The following ADGRD1 variants were observed in gnomAD, a reference collection of about 807,000 sequenced individuals.
ADGRD1 encodes adhesion G protein-coupled receptor D1.
Under a neutral mutation model 113.4 loss-of-function variants are expected in ADGRD1, and 77 were observed. The observed-to-expected ratio is 0.68, with a 90% CI of 0.57 to 0.82. The LOEUF is 0.82. Among genes scored for constraint, ADGRD1 ranks in the 40% least tolerant of loss-of-function variants. ADGRD1 has a pLI of 0.00. For synonymous variants in ADGRD1, 474 were observed against 475.0 expected (o/e 1.00, Z 0.03); for missense variants, 1,036 against 1,139.1 (o/e 0.91, Z 1.30).
intron 20 of ADGRD1, among the ~76,000 whole-genome samples, chr12:131,128,823 G>A (rs919870353): frequency 1.3e-5 from 2 of 152,172 alleles, no homozygotes; most frequent in African/African-American, 4.8e-5. Flanking sequence ...TCCATAGAGT[G>A]GGTGTGGGCA....
rs1883939376 is a variant in ADGRD1 at position 131,057,176 on chromosome 12, C to T, written c.1474-19625C>T. ...AGGAAATAATCACAGGCTACCCCCG[C>T]TGTGATAAACAGGTTTGAAGAACTG... On this transcript the variant is annotated intron_variant, in intron 13 of 24. Transcript: ENST00000261654. The surrounding 1 kb of genome is among the most constrained non-coding windows in gnomAD (Gnocchi z 4.2). Among the ~76,000 whole-genome samples, 1 of 152,194 alleles carries T rather than the reference C, an allele frequency of 6.6e-6. No individual in the cohort carries two copies. Among genetic ancestry groups the T allele is most frequent in the African/African-American group, 2.4e-5 (1 of 41,444 alleles).
At chr12:131,006,680 G>A (rs146393993) in intron 12 of ADGRD1, among the ~76,000 whole-genome samples, 6 of 151,910 alleles carry the variant, frequency 3.9e-5, no homozygotes, top group Middle Eastern at 3.2e-3. Context: ...TGAGGGGGGC[G>A]GCGAGGCTGG....
Position 131,075,479 on chromosome 12 carries a change from T to C in ADGRD1, c.1474-1322T>C, listed in dbSNP as rs1885528545. 6.6e-6 allele frequency among the ~76,000 whole-genome samples: 1 copy of C among 152,174 alleles called. No homozygotes were observed. The highest frequency in any genetic ancestry group is 6.5e-5 in the Admixed American group (1 of 15,282). On this transcript the variant is annotated intron_variant, in intron 13 of 24. Coordinates refer to ENST00000261654, the MANE Select transcript of ADGRD1 (RefSeq NM_198827.5). The surrounding 1 kb of genome is among the most constrained non-coding windows in gnomAD (Gnocchi z 5.3). ...TTTTCCAGGCGGTTTTAAGAGACCCTGTGATGGATTAAAATAACCCTAAGA... is the reference window on the plus strand; with the variant it reads ...TTTTCCAGGCGGTTTTAAGAGACCCCGTGATGGATTAAAATAACCCTAAGA...
rs765087614 is a variant in ADGRD1 at position 131,076,840 on chromosome 12, C to T, written c.1513C>T (p.Arg505Ter). The change falls in exon 14 of 25, where the codon CGA becomes TGA. Residue 505 changes from arginine (R) to a stop codon, truncating the protein, a stop_gained. Transcript: ENST00000261654. LOFTEE classifies it high-confidence loss of function. Reference protein sequence around the residue: ...QHSEATNSSNRVFVYCAFLDF... With the variant: ...QHSEATNSSN ...CAGTGAGGCCACCAACAGCAGCAAC[C>T]GAGTCTTCGTGTACTGCGCCTTCCT... The T allele has an allele frequency of 8.1e-6, 13 of 1,614,142 alleles. No homozygotes were observed. Among genetic ancestry groups the T allele is most frequent in the South Asian group, 1.1e-5 (1 of 91,086 alleles).
chr12:131,117,847 G>A (rs142922668), intron 18 of ADGRD1, among the ~76,000 whole-genome samples: 16 of 152,332 alleles, frequency 1.1e-4, no homozygotes, highest in Admixed American at 2.6e-4. Context: ...TTCCACCGCC[G>A]CTCTAGAACA....
At chr12:131,139,129 G>T (rs374722972) in intron 24 of ADGRD1, 39 bp from the exon 25 acceptor site, 1 of 1,523,884 alleles carries the variant, frequency 6.6e-7, no homozygotes, top group African/African-American at 1.4e-5. Flanking sequence ...CTCCCCCTGG[G>T]AGCAGGCCCT....
chr12:130,961,293 GAC>G (rs1214054695), intron 2 of ADGRD1, among the ~76,000 whole-genome samples: 1 of 152,168 alleles, frequency 6.6e-6, no homozygotes, highest in Non-Finnish European at 1.5e-5. Flanking sequence ...GTCTGTCTCT[GAC>G]ACACGCACAC....
At chr12:131,045,878 C>T (rs1882647723) in intron 13 of ADGRD1, among the ~76,000 whole-genome samples, 1 of 151,530 alleles carries the variant, frequency 6.6e-6, no homozygotes, top group Admixed American at 6.6e-5. Context: ...CCTGCCTTGT[C>T]CATATCCTTC....
At chr12:131,053,068 C>A (rs1294140426) in intron 13 of ADGRD1, among the ~76,000 whole-genome samples, 1 of 152,258 alleles carries the variant, frequency 6.6e-6, no homozygotes, top group African/African-American at 2.4e-5. Flanking sequence ...CCAAATGATC[C>A]TTTCTGCACA....
Position 131,139,305 on chromosome 12 carries a change from ACC to A in ADGRD1, c.*48_*49del. The A allele has an allele frequency of 1.6e-6, 2 of 1,250,826 alleles. No individual in the cohort carries two copies. Among genetic ancestry groups the A allele is most frequent in the Non-Finnish European group, 2.3e-6 (2 of 868,552 alleles). 77.5% of individuals were successfully genotyped at this position (1,250,826 alleles called of 1,614,324 possible). A position where few individuals can be genotyped will look rare whatever the true frequency, so the allele number is the denominator to read the frequency against. Reference sequence around the variant, plus strand: ...CCAGGCCAGGCTGCGCTCAGAACACACCCCCCCAAACAGAATGAAATGCCCCA... The same window carrying A: ...CCAGGCCAGGCTGCGCTCAGAACACACCCCCAAACAGAATGAAATGCCCCA... On this transcript the variant is annotated 3_prime_UTR_variant, in exon 25 of 25. Coordinates refer to ENST00000261654, the MANE Select transcript of ADGRD1 (RefSeq NM_198827.5).
At chr12:131,035,029 C>T (rs1342210186) in intron 13 of ADGRD1, 1 of 152,378 alleles carries the variant, frequency 6.6e-6, no homozygotes, top group Non-Finnish European at 1.5e-5. Flanking sequence ...GCCCCTGTCA[C>T]TCAGAGTGAA....
chr12:131,060,052 C>T lies in ADGRD1; in HGVS notation c.1474-16749C>T, dbSNP rs924793945. Among the ~76,000 whole-genome samples the T allele has an allele frequency of 2.0e-5, 3 of 152,262 alleles. No homozygotes were observed. Among genetic ancestry groups the T allele is most frequent in the East Asian group, 1.9e-4 (1 of 5,194 alleles). Reference sequence around the variant, plus strand: ...CCCACCACTGGGAAGGGCCATGTGCCGCAGTACTGCGGCGTGGGGGTGAAA... The same window carrying T: ...CCCACCACTGGGAAGGGCCATGTGCTGCAGTACTGCGGCGTGGGGGTGAAA... On this transcript the variant is annotated intron_variant, in intron 13 of 24. Transcript: ENST00000261654. This position sits in a 1 kb window ranked among gnomAD's most constrained non-coding sequence, Gnocchi z 4.4.
At chr12:131,024,958 G>T (rs1041020589) in intron 13 of ADGRD1, among the ~76,000 whole-genome samples, 1 of 152,332 alleles carries the variant, frequency 6.6e-6, no homozygotes, top group Admixed American at 6.5e-5. Flanking sequence ...TGGCCTGGGG[G>T]AACCGTCTCT....
At chr12:131,136,242 G>A (rs1951083017) in intron 22 of ADGRD1, 79 bp downstream of exon 22, 2 of 1,554,890 alleles carry the variant, frequency 1.3e-6, no homozygotes, top group African/African-American at 2.7e-5. Flanking sequence ...GGGCTGCAGG[G>A]GCAGGAGGGA....
chr12:130,966,536 T>A lies in ADGRD1; in HGVS notation c.177T>A (p.Asp59Glu), dbSNP rs750460203. ...ENVDGIHELQ[D>E]TTGDIVEGKV... is the part of the protein sequence containing the mutation. ...TGGATGGGATCCATGAACTTCAGGATACAACTGGAGGTAGAGACGCGGGTG... is the reference window on the plus strand; with the variant it reads ...TGGATGGGATCCATGAACTTCAGGAAACAACTGGAGGTAGAGACGCGGGTG... The change falls in exon 3 of 25, where the codon GAT (aspartate) becomes GAA (glutamate). Residue 59 changes from aspartate (D) to glutamate (E), a missense_variant. Coordinates refer to ENST00000261654, the MANE Select transcript of ADGRD1 (RefSeq NM_198827.5). The surrounding 1 kb of genome is among the most constrained non-coding windows in gnomAD (Gnocchi z 4.6). The A allele has an allele frequency of 6.2e-7, 1 of 1,606,402 alleles. No individual in the cohort carries two copies. The highest frequency in any genetic ancestry group is 8.5e-7 in the Non-Finnish European group (1 of 1,172,908).
intron 12 of ADGRD1, among the ~76,000 whole-genome samples, chr12:131,013,377 C>G (rs1311471591): frequency 6.6e-6 from 1 of 152,142 alleles, no homozygotes; most frequent in African/African-American, 2.4e-5. Context: ...CAATCAGTCT[C>G]CCTCCTCATG....
chr12:131,021,430 G>C (rs1295025265), intron 13 of ADGRD1, among the ~76,000 whole-genome samples: 1 of 152,122 alleles, frequency 6.6e-6, no homozygotes, highest in Admixed American at 6.5e-5. Flanking sequence ...GTCACTGTCC[G>C]ATGCTTCCTC....
chr12:131,087,436 C>G (rs371160418), intron 15 of ADGRD1, among the ~76,000 whole-genome samples: 215 of 152,308 alleles, frequency 1.4e-3, no homozygotes, highest in African/African-American at 4.6e-3. Flanking sequence ...TCCTCAGTAG[C>G]TTCCATGCCG....
At chr12:131,055,730 C>T (rs573987248) in intron 13 of ADGRD1, among the ~76,000 whole-genome samples, 1 of 152,306 alleles carries the variant, frequency 6.6e-6, no homozygotes, top group South Asian at 2.1e-4. Context: ...AGCAGACGAA[C>T]AGAAATATGA....
Sources: gnomAD v4.1 joint callset for allele counts (sites outside exome capture counted in the v4.1 genomes callset) on GRCh38, gnomAD v4.1.1 for gene constraint, Gnocchi (gnomAD v3.1) non-coding constraint, MANE v1.5 for transcripts, NCBI Gene and HGNC (gene_info 2026-07-23, HGNC 2026-07-21) for gene names.